The following CDKL3 variants were observed in gnomAD, a reference collection of about 807,000 sequenced individuals.
The protein encoded by CDKL3 is cyclin-dependent kinase-like 3.
CDKL3 carries 65 observed loss-of-function variants against 69.3 expected under a neutral mutation model. The ratio of observed to expected loss-of-function variants is 0.94; its 90% CI spans 0.77 to 1.15. The LOEUF (loss-of-function observed/expected upper bound fraction) is 1.15, where lower values mean the gene tolerates loss of function less well. Among genes scored for constraint, CDKL3 ranks in the 50% most tolerant of loss-of-function variants. CDKL3 has a pLI of 0.00. For missense variants in CDKL3, 652 were observed against 689.2 expected (o/e 0.95, Z 0.61); for synonymous variants, 202 against 221.6 (o/e 0.91, Z 0.79).
At chr5:134,360,782 C>T (rs1189478243) in intron 2 of CDKL3, among the ~76,000 whole-genome samples, 1 of 152,120 alleles carries the variant, frequency 6.6e-6, no homozygotes, top group East Asian at 1.9e-4. Context: ...TGGATTTCAA[C>T]ACGATTAAGT....
chr5:134,294,522 A>G (rs1176527237), downstream of CDKL3, among the ~76,000 whole-genome samples: 2 of 152,234 alleles, frequency 1.3e-5, no homozygotes, highest in Non-Finnish European at 2.9e-5. Context: ...AAGAAAAAGT[A>G]ACACAGGCAT....
At chr5:134,319,789 C>T (rs1772247504) in intron 5 of CDKL3, among the ~76,000 whole-genome samples, 1 of 152,184 alleles carries the variant, frequency 6.6e-6, no homozygotes, top group Non-Finnish European at 1.5e-5. Flanking sequence ...TCAGAAAATG[C>T]ATATTCCAAC....
upstream of CDKL3, among the ~76,000 whole-genome samples, chr5:134,369,680 T>C (rs1183981591): frequency 6.6e-6 from 1 of 152,126 alleles, no homozygotes; most frequent in Admixed American, 6.6e-5. Context: ...AAGCGATTCT[T>C]CTGCCTCAGC....
chr5:134,286,801 C>T (rs190831639), intron 8 of CDKL3, among the ~76,000 whole-genome samples: 23 of 152,276 alleles, frequency 1.5e-4, no homozygotes, highest in Admixed American at 2.6e-4. Flanking sequence ...GATTCAATTA[C>T]CTCCCACCAG....
intron 9 of CDKL3, among the ~76,000 whole-genome samples, chr5:134,307,578 C>T (rs1391623681): frequency 1.3e-5 from 2 of 152,172 alleles, no homozygotes; most frequent in Non-Finnish European, 2.9e-5. Context: ...TTGAAGTGGC[C>T]TTACTGCCTT....
At chr5:134,290,045 C>T (rs539426895) in intron 8 of CDKL3, among the ~76,000 whole-genome samples, 1 of 152,082 alleles carries the variant, frequency 6.6e-6, no homozygotes, top group Admixed American at 6.6e-5. Flanking sequence ...GAGAATACAG[C>T]AGTGAACAAG....
intron 6 of CDKL3, among the ~76,000 whole-genome samples, chr5:134,317,052 A>T (rs1771279125): frequency 6.6e-6 from 1 of 152,174 alleles, no homozygotes; most frequent in Non-Finnish European, 1.5e-5. Context: ...TCTTGCCACC[A>T]CTTTCAAAAT....
intron 4 of CDKL3, among the ~76,000 whole-genome samples, chr5:134,324,206 G>A (rs1173690954): frequency 6.6e-6 from 1 of 152,188 alleles, no homozygotes; most frequent in Non-Finnish European, 1.5e-5. Flanking sequence ...ATGCAGGTGA[G>A]GATGGCAAAC....
In CDKL3 at chr5:134,308,396, T is replaced by A. The variant is rs977454127; in HGVS notation, c.1106A>T (p.Asp369Val). 2.5e-6 allele frequency: 4 copies of A among 1,613,720 alleles called. No individual in the cohort carries two copies. The highest frequency in any genetic ancestry group is 3.3e-5 in the Admixed American group (2 of 60,022). ...CTCTTTCTTTTTTGGTTCTGAGATA[T>A]CTCCTCTTCCTCCTTTGACTTTAAT... The part of the protein sequence containing the change: ...RVIKVKGGRG[D>V]ISEPKKKEYE... Residue 369 changes from aspartate to valine, a missense_variant, in exon 9 of 13, where the codon GAT becomes GTT. Asp to Val is a radical substitution (Grantham distance 152). Coordinates refer to ENST00000265334, the MANE Select transcript of CDKL3 (RefSeq NM_001113575.2).
At chr5:134,285,839 A>G (rs1173351301), downstream of CDKL3, among the ~76,000 whole-genome samples, 1 of 152,180 alleles carries the variant, frequency 6.6e-6, no homozygotes, top group Admixed American at 6.5e-5. Flanking sequence ...AATTTCTTCC[A>G]CCAGTTGGGT....
intron 6 of CDKL3, among the ~76,000 whole-genome samples, chr5:134,313,394 T>C (rs1373241794): frequency 1.3e-5 from 2 of 152,296 alleles, no homozygotes; most frequent in East Asian, 3.9e-4. Flanking sequence ...TAACTTTTAT[T>C]GATGCTTACT....
rs550857919 is a variant in CDKL3, at chr5:134,354,036, T to TTTG, written c.361-3612_361-3610dup. Among the ~76,000 whole-genome samples, 13 of 152,310 alleles carry TTTG rather than the reference T, an allele frequency of 8.5e-5. 2 individuals are homozygous for TTTG. The East Asian group carries it at 2.5e-3, about 29-fold the overall frequency. ...CCAGGGTTTGTCTAATCTCTATGCA[T>TTTG]TTGTTGATGCTGCTCCAACTGCCTG... On this transcript the variant is annotated intron_variant, in intron 3 of 12. Coordinates refer to ENST00000265334, the MANE Select transcript of CDKL3 (RefSeq NM_001113575.2).
chr5:134,339,595 GAAC>G (rs1176455335), intron 4 of CDKL3, among the ~76,000 whole-genome samples: 1 of 152,050 alleles, frequency 6.6e-6, no homozygotes, highest in African/African-American at 2.4e-5. Context: ...ACACTTTACA[GAAC>G]AACAATAGAA....
At chr5:134,329,756 A>G (rs1201026720) in intron 4 of CDKL3, among the ~76,000 whole-genome samples, 1 of 152,146 alleles carries the variant, frequency 6.6e-6, no homozygotes, top group Non-Finnish European at 1.5e-5. Flanking sequence ...GGCGTGAGCC[A>G]CCACGCTGTT....
In CDKL3 at chr5:134,350,290, A is replaced by T; in HGVS notation, c.498T>A (p.Tyr166Ter). ...CTTTTAATACTAATTCGGGAGCTCT[A>T]TACCAGCGTGTGGCCACATAGTCCG... ...IYTDYVATRW[Y>*]RAPELVLKDT... is the part of the protein sequence containing the mutation. The change falls in exon 4 of 13, where the codon TAT becomes TAA. Residue 166 changes from tyrosine to a stop codon, truncating the protein, a stop_gained. Transcript: ENST00000265334. LOFTEE classifies it high-confidence loss of function. 1 of 1,592,138 alleles carries T rather than the reference A, an allele frequency of 6.3e-7. No homozygotes were observed. The highest frequency in any genetic ancestry group is 8.6e-7 in the Non-Finnish European group (1 of 1,169,034).
intron 3 of CDKL3, among the ~76,000 whole-genome samples, chr5:134,357,871 G>A (rs145438599): frequency 2.0e-5 from 3 of 152,212 alleles, no homozygotes; most frequent in Non-Finnish European, 4.4e-5. Flanking sequence ...TTCTACTCAT[G>A]TTAAAATAAA....
intron 10 of CDKL3, among the ~76,000 whole-genome samples, chr5:134,305,027 C>G (rs1450753861): frequency 1.3e-5 from 2 of 151,608 alleles, no homozygotes; most frequent in African/African-American, 4.8e-5. Context: ...AGGCTGATCT[C>G]AAACTCCTGG....
downstream of CDKL3, among the ~76,000 whole-genome samples, chr5:134,285,724 A>C (rs1178898074): frequency 1.3e-5 from 2 of 152,220 alleles, no homozygotes; most frequent in African/African-American, 4.8e-5. Flanking sequence ...TATCTATTGC[A>C]TTGTCAGGCT....
intron 4 of CDKL3, among the ~76,000 whole-genome samples, chr5:134,348,163 G>C (rs1028614457): frequency 1.3e-5 from 2 of 152,160 alleles, no homozygotes; most frequent in Non-Finnish European, 2.9e-5. Context: ...TGAGGCAAAA[G>C]GACTGCTTGA....
Sources: gnomAD v4.1 joint callset for allele counts (sites outside exome capture counted in the v4.1 genomes callset) on GRCh38, gnomAD v4.1.1 for gene constraint, MANE v1.5 for transcripts, NCBI Gene and HGNC (gene_info 2026-07-23, HGNC 2026-07-21) for gene names.